Variants in CBX7 observed in about 807,000 individuals in gnomAD.
CBX7 encodes the protein chromobox 7, also known as chromobox protein homolog 7.
In CBX7, 14 loss-of-function variants were observed where a neutral mutation model predicts 31.4. The ratio of observed to expected loss-of-function variants is 0.45; its 90% CI spans 0.29 to 0.70. The LOEUF is 0.70. CBX7 is among the 30% of genes least tolerant of loss of function. The pLI, the probability that CBX7 is intolerant of heterozygous loss-of-function variation, is 0.11. For missense variants in CBX7, 269 were observed against 351.9 expected, an observed-to-expected ratio of 0.76 and a Z score of 1.89; for synonymous variants, 159 against 152.6, an observed-to-expected ratio of 1.04 and a Z score of -0.31.
At chr22:39,139,736 G>GA (rs61029102) in intron 3 of CBX7, among the ~76,000 whole-genome samples, 23,746 of 118,902 alleles carry the variant, frequency 0.2, 2,620 homozygotes, top group East Asian at 0.44. Context: ...GAAAGAAAAA[G>GA]AAAAAAAAAC....
chr22:39,148,619 GGGAA>G (rs1226104553), intron 2 of CBX7: 1 of 152,236 alleles, frequency 6.6e-6, no homozygotes, highest in Admixed American at 6.5e-5. Context: ...CAGAATATTC[GGGAA>G]GGGAGAACTG....
At position 39,132,841 on chromosome 22, in the gene CBX7, A is replaced by G. The variant is rs1331530072; in HGVS notation, c.*1050T>C. 1 of 152,660 alleles carries G rather than the reference A, an allele frequency of 6.6e-6. No homozygotes were observed. Among genetic ancestry groups the G allele is most frequent in the East Asian group, 1.9e-4 (1 of 5,150 alleles). The allele number at this position is 152,660 out of a possible 1,614,324, so 9.5% of individuals were successfully genotyped here. On this transcript the variant is annotated 3_prime_UTR_variant, in exon 6 of 6. Coordinates refer to ENST00000216133, the MANE Select transcript of CBX7 (RefSeq NM_175709.5). The stretch of plus-strand genomic sequence containing the variant: ...AGGGCTGAAAAGTCACCTGAGTCAG[A>G]AAGAACAAGAACCCCTCACGGGAGG...
chr22:39,151,761 TGAA>T (rs1930863179), intron 1 of CBX7, among the ~76,000 whole-genome samples: 1 of 147,772 alleles, frequency 6.8e-6, no homozygotes, highest in South Asian at 2.1e-4. Flanking sequence ...GTGTATGTTT[TGAA>T]GAAGGCAGAT....
At chr22:39,143,024 T>C (rs554103928) in intron 2 of CBX7, among the ~76,000 whole-genome samples, 3 of 152,256 alleles carry the variant, frequency 2.0e-5, no homozygotes, top group African/African-American at 7.2e-5. Flanking sequence ...GCACTTTGGG[T>C]GGCCAGATCA....
At chr22:39,150,625 T>C (rs1930817167) in intron 1 of CBX7, among the ~76,000 whole-genome samples, 1 of 152,074 alleles carries the variant, frequency 6.6e-6, no homozygotes, top group African/African-American at 2.4e-5. Context: ...AGGAAATTAG[T>C]TGGGCATGGT....
At position 39,133,704 on chromosome 22, in the gene CBX7, T is replaced by G; in HGVS notation, c.*187A>C. On this transcript the variant is annotated 3_prime_UTR_variant, in exon 6 of 6. Transcript: ENST00000216133. ...AGAGCAACTCTCTCCATCCCCAGCC[T>G]GAGGCCTCGTGGTAAACGTCCCTCA... The G allele has an allele frequency of 1.8e-6, 1 of 553,214 alleles. No homozygotes were observed. Among genetic ancestry groups the G allele is most frequent in the Non-Finnish European group, 3.0e-6 (1 of 330,346 alleles). The allele number at this position is 553,214 out of a possible 1,614,324, so 34.3% of individuals were successfully genotyped here.
intron 5 of CBX7, 112 bp downstream of exon 5, chr22:39,134,289 C>A: frequency 1.0e-6 from 1 of 1,001,152 alleles, no homozygotes; most frequent in Non-Finnish European, 1.4e-6. Context: ...AGCCCAGACC[C>A]GACTGGCCCC....
intron 2 of CBX7, chr22:39,147,375 C>T: frequency 6.7e-6 from 1 of 148,410 alleles, no homozygotes; most frequent in East Asian, 2.1e-4. Context: ...CTAGAGTGTC[C>T]ATTTAAATCA....
rs146668606 is a variant in CBX7 at position 39,134,456 on chromosome 22, G to T, written c.543C>A (p.Asp181Glu). ...CCCACTCGCCAGCCGCCTGCAGGAC[G>T]TCTGGGGCCGGTGGCTCCTGCAGGA... ...ELFLQEPPAP[D>E]VLQAAGEWEP... The change falls in exon 5 of 6, where the codon GAC (aspartate) becomes GAA (glutamate). Residue 181 changes from aspartate (D) to glutamate (E), a missense_variant. Physicochemically the swap from Asp to Glu is conservative, Grantham distance 45. This residue lies in a region of CBX7 where 222 missense variants were observed against 240.4 expected (regional missense o/e 0.92). Transcript: ENST00000216133. 1.2e-6 allele frequency: 2 copies of T among 1,607,354 alleles called. No individual in the cohort carries two copies. The highest frequency in any genetic ancestry group is 3.3e-5 in the Admixed American group (2 of 59,990).
intron 3 of CBX7, among the ~76,000 whole-genome samples, chr22:39,139,268 C>A (rs1930362714): frequency 6.6e-6 from 1 of 152,162 alleles, no homozygotes; most frequent in Non-Finnish European, 1.5e-5. Flanking sequence ...CCAGCAGATG[C>A]CTTCCCATGT....
intron 2 of CBX7, among the ~76,000 whole-genome samples, chr22:39,145,851 A>G (rs1224166357): frequency 2.7e-5 from 4 of 150,496 alleles, no homozygotes; most frequent in Non-Finnish European, 5.9e-5. Context: ...CCCGCCGCGC[A>G]GGGCTCGCCC....
chr22:39,142,032 A>C (rs1010236402), intron 2 of CBX7, among the ~76,000 whole-genome samples: 10 of 152,212 alleles, frequency 6.6e-5, no homozygotes, highest in African/African-American at 2.4e-4. Flanking sequence ...GGCGCCTGTA[A>C]GCCCCACACC....
chr22:39,140,641 G>A lies in CBX7; in HGVS notation c.179+730C>T, dbSNP rs973517169. Among the ~76,000 whole-genome samples, 3 of 152,186 alleles carry A rather than the reference G, an allele frequency of 2.0e-5. No individual in the cohort carries two copies. In the East Asian group the frequency reaches 5.8e-4, roughly 29 times the overall value. On this transcript the variant is annotated intron_variant, in intron 3 of 5. Transcript: ENST00000216133. ...ATTCCTGCCTCAGGAGGTTGCCATA[G>A]GGGCCAAATACAAATGATTTTGTGA... is the stretch of plus-strand genomic sequence containing the variant.
chr22:39,133,607 G>T lies in CBX7; in HGVS notation c.*284C>A, dbSNP rs1039155795. 6.8e-6 allele frequency: 2 copies of T among 294,438 alleles called. No individual in the cohort carries two copies. The highest frequency in any genetic ancestry group is 4.3e-5 in the African/African-American group (2 of 45,990). 18.2% of individuals were successfully genotyped at this position (294,438 alleles called of 1,614,324 possible). A position where few individuals can be genotyped will look rare whatever the true frequency, so the allele number is the denominator to read the frequency against. On this transcript the variant is annotated 3_prime_UTR_variant, in exon 6 of 6. Coordinates refer to ENST00000216133, the MANE Select transcript of CBX7 (RefSeq NM_175709.5). ...AACCAGCTGCTGCGTCACTAGAGGA[G>T]AATGATAATGGTGGTGTCCCGGGCA...
Position 39,142,886 on chromosome 22 carries a change from C to T in CBX7, c.114-1450G>A, listed in dbSNP as rs577110324. On this transcript the variant is annotated intron_variant, in intron 2 of 5. Coordinates refer to ENST00000216133, the MANE Select transcript of CBX7 (RefSeq NM_175709.5). ...TAGTGACGTCTTGATGATCCTGACCCTGTGTAGGCCTAGGCCAATGTGTGT... is the reference window on the plus strand; with the variant it reads ...TAGTGACGTCTTGATGATCCTGACCTTGTGTAGGCCTAGGCCAATGTGTGT... 2.6e-5 allele frequency among the ~76,000 whole-genome samples: 4 copies of T among 152,206 alleles called. No homozygotes were observed. In the South Asian group the frequency reaches 6.2e-4, roughly 24 times the overall value.
At chr22:39,134,265 A>G (rs1379716467) in intron 5 of CBX7, 136 bp downstream of exon 5, 7 of 871,362 alleles carry the variant, frequency 8.0e-6, no homozygotes, top group Non-Finnish European at 1.2e-5. Flanking sequence ...GCCCTGGGCT[A>G]GTGTTGGGCC....
At chr22:39,145,519 G>A (rs1930616469) in intron 2 of CBX7, among the ~76,000 whole-genome samples, 1 of 152,138 alleles carries the variant, frequency 6.6e-6, no homozygotes, top group African/African-American at 2.4e-5. Context: ...CCAGGGCTCT[G>A]GGGACACGCT....
In CBX7 at chr22:39,134,671, C is replaced by A; in HGVS notation, c.328G>T (p.Gly110Cys). Residue 110 changes from glycine (G) to cysteine (C), a missense_variant, in exon 5 of 6, where the codon GGC becomes TGC. By Grantham distance (159) the Gly-to-Cys change is radical. Around this residue, in one of 2 missense-constraint regions of CBX7, gnomAD observed 222 missense variants for 240.4 expected, o/e 0.92. Coordinates refer to ENST00000216133, the MANE Select transcript of CBX7 (RefSeq NM_175709.5). ...KLCFSLTCPL[G>C]SGSPEGVVKA... ...ACCACCCCCTCAGGGCTCCCGCTGC[C>A]GAGTGGGCACGTCAGGGAGAAGCAG... 1 of 1,585,822 alleles carries A rather than the reference C, an allele frequency of 6.3e-7. No individual in the cohort carries two copies. The highest frequency in any genetic ancestry group is 8.6e-7 in the Non-Finnish European group (1 of 1,165,516).
At position 39,133,762 on chromosome 22, in the gene CBX7, T is replaced by C. The variant is rs774915623; in HGVS notation, c.*129A>G. On this transcript the variant is annotated 3_prime_UTR_variant, in exon 6 of 6. Coordinates refer to ENST00000216133, the MANE Select transcript of CBX7 (RefSeq NM_175709.5). ...GGCAGGTGGTGGGAGAGTAGTGGGA[T>C]CTTCTCCCCTTTTGCTGCTCGGTAT... 28 of 895,624 alleles carry C rather than the reference T, an allele frequency of 3.1e-5. No individual in the cohort carries two copies. Among genetic ancestry groups the C allele is most frequent in the Non-Finnish European group, 4.2e-5 (26 of 619,756 alleles). 55.5% of individuals were successfully genotyped at this position (895,624 alleles called of 1,614,324 possible). A position where few individuals can be genotyped will look rare whatever the true frequency, so the allele number is the denominator to read the frequency against.
Sources: allele counts gnomAD v4.1 joint callset (sites outside exome capture counted in the v4.1 genomes callset), GRCh38; gene constraint gnomAD v4.1.1; regional missense constraint gnomAD v4.1.1; transcripts MANE v1.5; gene names NCBI Gene and HGNC (gene_info 2026-07-23, HGNC 2026-07-21).